ZSCAN5B: variants seen among roughly 807,000 people sequenced by gnomAD.
The protein encoded by ZSCAN5B is zinc finger and SCAN domain containing 5B.
ZSCAN5B carries 26 observed loss-of-function variants against 25.2 expected under a neutral mutation model. That is an observed-to-expected ratio of 1.03 (90% CI 0.76 to 1.43). ZSCAN5B has a LOEUF of 1.43. Ranked by LOEUF, ZSCAN5B falls within the 40% of genes most tolerant of loss-of-function variation. The probability of loss-of-function intolerance (pLI) is 0.00; values close to 1 mark genes in which losing one functional copy is unlikely to be tolerated. For missense variants in ZSCAN5B, 745 were observed against 622.1 expected (o/e 1.20, Z -2.10); for synonymous variants, 244 against 240.9 (o/e 1.01, Z -0.12).
exon 5 of ZSCAN5B, chr19:56,189,918 G>A (rs770832213): frequency 1.2e-6 from 2 of 1,613,962 alleles, no homozygotes; most frequent in East Asian, 2.2e-5. Context: ...ACATTTGTAG[G>A]GCTTCTCTCC....
chr19:56,193,000 G>C, exon 2 of ZSCAN5B: 1 of 1,603,010 alleles, frequency 6.2e-7, no homozygotes, highest in Non-Finnish European at 8.5e-7. Context: ...GTCTGACCCA[G>C]GGCTGTTGCA....
rs374861595 is a variant in ZSCAN5B at position 56,190,931 on chromosome 19, C to G, written c.645G>C (p.Pro215=). 3.1e-6 allele frequency: 5 copies of G among 1,614,126 alleles called. No homozygotes were observed. The Admixed American group carries it at 8.3e-5, about 27-fold the overall frequency. ...CCTTCTCCAAGGTCTGCTTGGGTCT[C>G]GGAGAGTTTGGGTCACCTGTTACGT... Residue 215 remains proline, a synonymous_variant, in exon 4 of 5, where the codon CCG becomes CCC. Transcript: ENST00000586855.
Position 56,191,849 on chromosome 19 carries a change from C to T in ZSCAN5B, c.588+1G>A, listed in dbSNP as rs772828146. On this transcript the variant is annotated splice_donor_variant, in intron 3 of 4. Transcript: ENST00000586855. LOFTEE classifies it high-confidence loss of function. ...CAGACACCAAGGCCTCACACACTCACCTGCCTCCTGGACAGTGCAGCGACC... is the reference window on the plus strand; with the variant it reads ...CAGACACCAAGGCCTCACACACTCATCTGCCTCCTGGACAGTGCAGCGACC... 5.0e-6 allele frequency: 8 copies of T among 1,613,714 alleles called. No individual in the cohort carries two copies. The highest frequency in any genetic ancestry group is 6.8e-6 in the Non-Finnish European group (8 of 1,179,734).
intron 3 of ZSCAN5B, 90 bp from the exon 4 acceptor site, chr19:56,191,077 A>C: frequency 6.4e-7 from 1 of 1,571,654 alleles, no homozygotes; most frequent in South Asian, 1.1e-5. Flanking sequence ...GACACACCAG[A>C]CTTCCCATGG....
intron 1 of ZSCAN5B, among the ~76,000 whole-genome samples, chr19:56,194,130 C>A (rs1030922531): frequency 6.6e-6 from 1 of 152,070 alleles, no homozygotes; most frequent in African/African-American, 2.4e-5. Context: ...AAAGAGAACG[C>A]CATCCCCATC....
At chr19:56,196,367 T>A (rs10413624) in intron 1 of ZSCAN5B, among the ~76,000 whole-genome samples, 5,832 of 151,784 alleles carry the variant, frequency 0.038, 247 homozygotes, top group African/African-American at 0.11. Context: ...AACTTTTTTT[T>A]AAAAAAATAA....
chr19:56,192,143 C>A, intron 2 of ZSCAN5B, 90 bp from the exon 3 acceptor site: 1 of 1,179,708 alleles, frequency 8.5e-7, no homozygotes, highest in Non-Finnish European at 1.2e-6. Flanking sequence ...TCACACTTTA[C>A]TGTAATTAAT....
rs753351356 is a variant in ZSCAN5B at position 56,192,990 on chromosome 19, G to C, written c.63C>G (p.Asp21Glu). Residue 21 changes from aspartate (D) to glutamate (E), a missense_variant, in exon 2 of 5, where the codon GAC (aspartate) becomes GAG (glutamate). Asp to Glu is a conservative substitution (Grantham distance 45). Coordinates refer to ENST00000586855, the Ensembl canonical transcript of ZSCAN5B. ...CTGGGGACGCCACAGACCGTGGAGT[G>C]TCTGACCCAGGGCTGTTGCAGGGTC... 2.5e-5 allele frequency: 40 copies of C among 1,605,830 alleles called. No individual in the cohort carries two copies. Among genetic ancestry groups the C allele is most frequent in the Admixed American group, 1.2e-4 (7 of 58,984 alleles).
chr19:56,191,784 A>G (rs1300183005), intron 3 of ZSCAN5B, 66 bp downstream of exon 3: 5 of 1,536,434 alleles, frequency 3.3e-6, no homozygotes, highest in East Asian at 2.3e-5. Context: ...TCAGTTCTGC[A>G]GCCACACGAT....
intron 1 of ZSCAN5B, among the ~76,000 whole-genome samples, chr19:56,197,293 C>T (rs936092732): frequency 1.3e-5 from 2 of 151,466 alleles, no homozygotes; most frequent in African/African-American, 4.9e-5. Context: ...CTGACTCAGT[C>T]TCCCGAATAG....
chr19:56,189,821 C>G (rs1294865802), exon 5 of ZSCAN5B: 3 of 1,601,200 alleles, frequency 1.9e-6, no homozygotes, highest in Non-Finnish European at 2.6e-6. Flanking sequence ...GGACCTGACT[C>G]TGGAATCACT....
Position 56,192,904 on chromosome 19 carries a change from A to T in ZSCAN5B, c.149T>A (p.Phe50Tyr), listed in dbSNP as rs201580249. The stretch of plus-strand genomic sequence containing the variant: ...GGGGTCCGACTCCTCTGGGCAGCTG[A>T]ACATCCTGAAATTCATGTGCCAAGT... Residue 50 changes from phenylalanine to tyrosine, a missense_variant, in exon 2 of 5, where the codon TTC (phenylalanine) becomes TAC (tyrosine). Coordinates refer to ENST00000586855, the Ensembl canonical transcript of ZSCAN5B. The T allele has an allele frequency of 3.0e-5, 48 of 1,614,060 alleles. No individual in the cohort carries two copies. In the African/African-American group the frequency reaches 4.7e-4, roughly 16 times the overall value.
At chr19:56,193,049 C>G in exon 2 of ZSCAN5B, 2 of 1,554,470 alleles carry the variant, frequency 1.3e-6, no homozygotes, top group Non-Finnish European at 1.7e-6. Context: ...CAATTTGCAG[C>G]CATATCTACT....
chr19:56,190,150 G>A lies in ZSCAN5B; in HGVS notation c.1165C>T (p.Arg389Trp), dbSNP rs763126036. 10 of 1,613,900 alleles carry A rather than the reference G, an allele frequency of 6.2e-6. No individual in the cohort carries two copies. The East Asian group carries it at 1.1e-4, about 18-fold the overall frequency. The change falls in exon 5 of 5, where the codon CGG (arginine) becomes TGG (tryptophan). Residue 389 changes from arginine (R) to tryptophan (W), a missense_variant. Coordinates refer to ENST00000586855, the Ensembl canonical transcript of ZSCAN5B. The stretch of plus-strand genomic sequence containing the variant: ...TCTGAGGGCTGCAAGAAGCGCTTCC[G>A]ACAGAGATCACATTGAAAGGGTCTG...
exon 5 of ZSCAN5B, chr19:56,190,118 T>A (rs778275144): frequency 6.2e-7 from 1 of 1,613,992 alleles, no homozygotes; most frequent in East Asian, 2.2e-5. Flanking sequence ...GCTGGTGAAC[T>A]CGGAGGTCTG....
At chr19:56,189,904 T>A (rs1382939487) in exon 5 of ZSCAN5B, 2 of 1,613,798 alleles carry the variant, frequency 1.2e-6, no homozygotes, top group Non-Finnish European at 1.7e-6. Context: ...TTTTGACAGG[T>A]GGGACATTTG....
chr19:56,189,913 T>C, exon 5 of ZSCAN5B: 1 of 1,614,020 alleles, frequency 6.2e-7, no homozygotes, highest in African/African-American at 1.3e-5. Flanking sequence ...GTGGGACATT[T>C]GTAGGGCTTC....
exon 5 of ZSCAN5B, chr19:56,190,098 G>T: frequency 1.2e-6 from 2 of 1,614,100 alleles, no homozygotes. Flanking sequence ...CCTCTCGCCA[G>T]TGTGGACTCG....
At chr19:56,192,139 T>G in intron 2 of ZSCAN5B, 86 bp from the exon 3 acceptor site, 1 of 1,184,018 alleles carries the variant, frequency 8.4e-7, no homozygotes, top group Non-Finnish European at 1.2e-6. Context: ...ATGCTCACAC[T>G]TTACTGTAAT....
Sources: allele counts gnomAD v4.1 joint callset (sites outside exome capture counted in the v4.1 genomes callset), GRCh38; gene constraint gnomAD v4.1.1; transcripts MANE v1.5; gene names NCBI Gene and HGNC (gene_info 2026-07-23, HGNC 2026-07-21).